The following SLC39A9 variants were observed in gnomAD, a reference collection of about 807,000 sequenced individuals.
SLC39A9 encodes the protein solute carrier family 39 member 9.
SLC39A9 carries 14 observed loss-of-function variants against 28.4 expected under a neutral mutation model. The observed-to-expected ratio is 0.49, with a 90% CI of 0.33 to 0.77. SLC39A9 has a LOEUF of 0.77. SLC39A9 is among the 30% of genes least tolerant of loss of function. The pLI is 0.02. For synonymous variants in SLC39A9, 119 were observed against 149.6 expected, an observed-to-expected ratio of 0.80 and a Z score of 1.49; for missense variants, 283 against 381.1, an observed-to-expected ratio of 0.74 and a Z score of 2.14.
chr14:69,407,302 C>CCCTTCCTTCCTTCCTTCCTTCCTTCCTT (rs774804877), intron 1 of SLC39A9, among the ~76,000 whole-genome samples: 23 of 143,936 alleles, frequency 1.6e-4, no homozygotes, highest in Middle Eastern at 3.7e-3. Context: ...TCCCTTCCTT[C>CCCTTCCTTCCTTCCTTCCTTCCTTCCTT]CCTTCCTTCC....
At chr14:69,450,158 C>T (rs1885535815) in intron 3 of SLC39A9, among the ~76,000 whole-genome samples, 1 of 151,858 alleles carries the variant, frequency 6.6e-6, no homozygotes, top group Non-Finnish European at 1.5e-5. Flanking sequence ...CACTGCGCTC[C>T]AGCCCGGGTG....
At chr14:69,403,818 C>T (rs915459975) in intron 1 of SLC39A9, among the ~76,000 whole-genome samples, 2 of 151,756 alleles carry the variant, frequency 1.3e-5, no homozygotes, top group Admixed American at 6.6e-5. Flanking sequence ...CCGAGGCAGG[C>T]GAATCATCTG....
chr14:69,422,232 A>C (rs1442221071), intron 1 of SLC39A9, among the ~76,000 whole-genome samples: 2 of 152,142 alleles, frequency 1.3e-5, no homozygotes, highest in Non-Finnish European at 2.9e-5. Flanking sequence ...TTCATAAACA[A>C]CATATATAAT....
intron 3 of SLC39A9, among the ~76,000 whole-genome samples, chr14:69,452,123 C>T (rs1232404227): frequency 2.0e-5 from 3 of 152,160 alleles, no homozygotes; most frequent in Non-Finnish European, 4.4e-5. Flanking sequence ...CCAAGAATTA[C>T]AGGTGAGGAG....
chr14:69,434,274 G>A (rs1884638413), intron 2 of SLC39A9, among the ~76,000 whole-genome samples: 1 of 151,616 alleles, frequency 6.6e-6, no homozygotes, highest in African/African-American at 2.4e-5. Context: ...AGTGGAGACA[G>A]GGTTTCACCA....
rs1885971044 is a variant in SLC39A9, at chr14:69,458,492, C to T, written c.823C>T (p.Pro275Ser). 6.2e-7 allele frequency: 1 copy of T among 1,614,234 alleles called. No homozygotes were observed. The highest frequency in any genetic ancestry group is 1.7e-5 in the Admixed American group (1 of 60,032). ...GGGCGGAATAGGGCACAGCCACAAG[C>T]CCGATGCCACGGGAGGGAGAGGCCT... Reference protein sequence around the residue: ...EVGGIGHSHKPDATGGRGLSR... With the variant: ...EVGGIGHSHKSDATGGRGLSR... The change falls in exon 7 of 7, where the codon CCC (proline) becomes TCC (serine). Residue 275 changes from proline (P) to serine (S), a missense_variant. Physicochemically the swap from Pro to Ser is moderately conservative, Grantham distance 74 (BLOSUM62 -1). Coordinates refer to ENST00000336643, the MANE Select transcript of SLC39A9 (RefSeq NM_018375.5).
chr14:69,420,157 A>G (rs1159268141), intron 1 of SLC39A9, among the ~76,000 whole-genome samples: 1 of 152,176 alleles, frequency 6.6e-6, no homozygotes, highest in Non-Finnish European at 1.5e-5. Context: ...TTCCATGTTT[A>G]GTGCTTCCTT....
chr14:69,415,003 A>G (rs1468630936), intron 1 of SLC39A9, among the ~76,000 whole-genome samples: 1 of 152,140 alleles, frequency 6.6e-6, no homozygotes, highest in Non-Finnish European at 1.5e-5. Flanking sequence ...ATTCCTTTTT[A>G]TTACCAAGTG....
At chr14:69,410,101 G>A (rs955204845) in intron 1 of SLC39A9, among the ~76,000 whole-genome samples, 4 of 151,992 alleles carry the variant, frequency 2.6e-5, no homozygotes, top group Non-Finnish European at 5.9e-5. Flanking sequence ...ACAATCTTAC[G>A]GGATTTATAT....
At chr14:69,440,521 G>T (rs1594937983) in intron 2 of SLC39A9, among the ~76,000 whole-genome samples, 1 of 152,088 alleles carries the variant, frequency 6.6e-6, no homozygotes, top group East Asian at 1.9e-4. Context: ...GGAAATGGAG[G>T]TTACTGTAAG....
chr14:69,453,192 A>T (rs765191533), intron 3 of SLC39A9, 49 bp from the exon 4 acceptor site: 3 of 1,509,924 alleles, frequency 2.0e-6, no homozygotes, highest in Non-Finnish European at 2.8e-6. Context: ...ATGTTTGAAC[A>T]GTTTCTGTCT....
At chr14:69,449,007 G>A (rs2139441781) in intron 3 of SLC39A9, among the ~76,000 whole-genome samples, 1 of 152,172 alleles carries the variant, frequency 6.6e-6, no homozygotes, top group Middle Eastern at 3.4e-3. Flanking sequence ...TACTATTCTT[G>A]CAACTTTACT....
intron 1 of SLC39A9, among the ~76,000 whole-genome samples, chr14:69,406,629 A>C (rs1411659932): frequency 6.6e-6 from 1 of 151,016 alleles, no homozygotes; most frequent in African/African-American, 2.4e-5. Flanking sequence ...CGGAGATTGC[A>C]GTGAGCTGAG....
intron 1 of SLC39A9, among the ~76,000 whole-genome samples, chr14:69,412,186 G>A (rs1200532472): frequency 1.3e-5 from 2 of 151,436 alleles, no homozygotes; most frequent in African/African-American, 4.8e-5. Flanking sequence ...TCAGGAGATC[G>A]AGACCATCCT....
In SLC39A9 at chr14:69,416,907, C is replaced by T. The variant is rs994864193; in HGVS notation, c.97-7187C>T. Among the ~76,000 whole-genome samples, 52 of 152,152 alleles carry T rather than the reference C, an allele frequency of 3.4e-4. No homozygotes were observed. The East Asian group carries it at 3.5e-3, about 10-fold the overall frequency. ...AGATGGGTAGATGCAAAAATTTTCT[C>T]CCCTTCTGTAGGTTGCCTGTTCACT... On this transcript the variant is annotated intron_variant, in intron 1 of 6. Transcript: ENST00000336643.
chr14:69,427,479 G>GT (rs1459156057), intron 2 of SLC39A9, among the ~76,000 whole-genome samples: 3 of 152,034 alleles, frequency 2.0e-5, no homozygotes, highest in Non-Finnish European at 4.4e-5. Context: ...CACTTTAGGT[G>GT]TACACATCTA....
intron 2 of SLC39A9, among the ~76,000 whole-genome samples, chr14:69,435,310 TGGTAA>T (rs1884687586): frequency 1.3e-5 from 2 of 152,222 alleles, no homozygotes; most frequent in Non-Finnish European, 2.9e-5. Context: ...TCTTTATTCC[TGGTAA>T]TATTTCTTGT....
rs116253269 is a variant in SLC39A9, at chr14:69,450,983, T to C, written c.404-2258T>C. Among the ~76,000 whole-genome samples, 443 of 152,366 alleles carry C rather than the reference T, an allele frequency of 2.9e-3. 2 individuals are homozygous for C. The highest frequency in any genetic ancestry group is 0.01 in the African/African-American group (431 of 41,588). ...GTCAATAAAATGTATTTATTAAATT[T>C]ATGCTAAACTGCAGTCTTTATAGGT... On this transcript the variant is annotated intron_variant, in intron 3 of 6. Coordinates refer to ENST00000336643, the MANE Select transcript of SLC39A9 (RefSeq NM_018375.5).
At chr14:69,422,351 A>G (rs1041586204) in intron 1 of SLC39A9, among the ~76,000 whole-genome samples, 7 of 152,298 alleles carry the variant, frequency 4.6e-5, no homozygotes, top group East Asian at 3.9e-4. Flanking sequence ...CCCTCCCCAT[A>G]TCTGGGACAA....
Sources: allele counts gnomAD v4.1 joint callset (sites outside exome capture counted in the v4.1 genomes callset), GRCh38; gene constraint gnomAD v4.1.1; transcripts MANE v1.5; gene names NCBI Gene and HGNC (gene_info 2026-07-23, HGNC 2026-07-21).